The following BCL2 variants were observed in gnomAD, a reference collection of about 807,000 sequenced individuals.
The protein encoded by BCL2 is apoptosis regulator Bcl-2.
A neutral mutation model predicts 14.2 loss-of-function variants in BCL2; 1 was observed. The ratio of observed to expected loss-of-function variants is 0.07; its 90% confidence interval spans 0.02 to 0.33. BCL2 has a LOEUF of 0.33. Ranked by LOEUF, BCL2 falls within the 10% of genes least tolerant of loss-of-function variation. BCL2 has a pLI of 0.99. For missense variants in BCL2, 247 were observed against 305.9 expected, an observed-to-expected ratio of 0.81 and a Z score of 1.44; for synonymous variants, 151 against 137.2, an observed-to-expected ratio of 1.10 and a Z score of -0.70.
chr18:63,211,444 T>C (rs2144674186), intron 2 of BCL2, among the ~76,000 whole-genome samples: 1 of 152,288 alleles, frequency 6.6e-6, no homozygotes, highest in Non-Finnish European at 1.5e-5. Flanking sequence ...AATCTCCTCC[T>C]GGTTTTCTAA....
chr18:63,189,136 T>C (rs1915660372), intron 2 of BCL2, among the ~76,000 whole-genome samples: 1 of 148,166 alleles, frequency 6.7e-6, no homozygotes. Context: ...AAAATTAAGG[T>C]CAAAGCGCTC....
At chr18:63,271,762 G>A (rs914837886) in intron 2 of BCL2, among the ~76,000 whole-genome samples, 1 of 152,190 alleles carries the variant, frequency 6.6e-6, no homozygotes, top group African/African-American at 2.4e-5. Context: ...TCAACAAAAG[G>A]TTTTGGACAT....
In BCL2 at chr18:63,199,205, GACAC is replaced by G. The variant is rs773397221; in HGVS notation, c.586-70450_586-70447del. 5.3e-4 allele frequency among the ~76,000 whole-genome samples: 75 copies of G among 141,342 alleles called. 2 individuals carry two copies. The East Asian group carries it at 0.011, about 20-fold the overall frequency. 92.7% of individuals were successfully genotyped at this position (141,342 alleles called of 152,430 possible). A position where few individuals can be genotyped will look rare whatever the true frequency, so the allele number is the denominator to read the frequency against. The stretch of plus-strand genomic sequence containing the variant: ...CATACACAGACACGCACAACACACA[GACAC>G]ACACAACACACACACTACACAACAC... On this transcript the variant is annotated intron_variant, in intron 2 of 2. Transcript: ENST00000333681.
At chr18:63,180,094 C>T (rs149862348) in intron 2 of BCL2, among the ~76,000 whole-genome samples, 93 of 152,344 alleles carry the variant, frequency 6.1e-4, no homozygotes, top group African/African-American at 2.2e-3. Context: ...TTAGGAAACC[C>T]TTACCTTTCG....
chr18:63,148,798 C>T (rs1185856202), intron 2 of BCL2, among the ~76,000 whole-genome samples: 1 of 152,128 alleles, frequency 6.6e-6, no homozygotes, highest in East Asian at 1.9e-4. Flanking sequence ...TGAGAAAGTG[C>T]TTCCATATAG....
intron 2 of BCL2, among the ~76,000 whole-genome samples, chr18:63,143,275 A>T (rs1027770807): frequency 2.1e-4 from 32 of 152,360 alleles, no homozygotes; most frequent in Middle Eastern, 6.8e-3. Flanking sequence ...GCAATCATGG[A>T]TGAGTTTTAA....
intron 2 of BCL2, among the ~76,000 whole-genome samples, chr18:63,208,607 T>G (rs1909911260): frequency 1.4e-5 from 2 of 147,884 alleles, no homozygotes; most frequent in African/African-American, 5.0e-5. Context: ...CTGGGGGGAG[T>G]GGGGTACAGT....
At chr18:63,249,119 C>T (rs1911232148) in intron 2 of BCL2, among the ~76,000 whole-genome samples, 1 of 152,182 alleles carries the variant, frequency 6.6e-6, no homozygotes, top group Non-Finnish European at 1.5e-5. Flanking sequence ...GTTAGCATTT[C>T]CCAAATGCTT....
intron 2 of BCL2, among the ~76,000 whole-genome samples, chr18:63,135,364 C>A (rs1016711439): frequency 5.3e-5 from 8 of 152,336 alleles, no homozygotes; most frequent in Admixed American, 2.6e-4. Flanking sequence ...AGTTACCCAA[C>A]CTTGCAGGCA....
chr18:63,154,605 C>T (rs776143278), intron 2 of BCL2, among the ~76,000 whole-genome samples: 93 of 152,168 alleles, frequency 6.1e-4, no homozygotes, highest in Admixed American at 1.4e-3. Context: ...GGCTGGGATG[C>T]CACTCTGCCT....
intron 2 of BCL2, among the ~76,000 whole-genome samples, chr18:63,258,946 G>T (rs934726481): frequency 1.3e-5 from 2 of 152,238 alleles, no homozygotes; most frequent in Non-Finnish European, 2.9e-5. Context: ...GCAAAACAAT[G>T]CCTGACAAAG....
At chr18:63,247,294 G>T (rs963002919) in intron 2 of BCL2, among the ~76,000 whole-genome samples, 1 of 148,962 alleles carries the variant, frequency 6.7e-6, no homozygotes, top group Non-Finnish European at 1.5e-5. Context: ...CCCCTCCCAA[G>T]TTCAAGCAAT....
rs1446199866 is a variant in BCL2, at chr18:63,318,201, C to A, written c.466G>T (p.Val156Phe). ...CGGTTGACGCTCTCCACACACATGA[C>A]CCCACCGAACTCAAAGAAGGCCACA... ...RIVAFFEFGG[V>F]MCVESVNREM... The change falls in exon 2 of 3, where the codon GTC becomes TTC. Residue 156 changes from valine (V) to phenylalanine (F), a missense_variant. By Grantham distance (50) the Val-to-Phe change is conservative (BLOSUM62 -1). Transcript: ENST00000333681. This position sits in a 1 kb window ranked among gnomAD's most constrained non-coding sequence, Gnocchi z 7.4. The A allele has an allele frequency of 1.1e-5, 18 of 1,614,096 alleles. 1 individual carries two copies. Among genetic ancestry groups the A allele is most frequent in the Middle Eastern group, 3.3e-4 (2 of 6,084 alleles).
intron 2 of BCL2, among the ~76,000 whole-genome samples, chr18:63,234,012 G>A (rs1184587141): frequency 1.3e-5 from 2 of 152,038 alleles, no homozygotes; most frequent in African/African-American, 4.8e-5. Context: ...AATTTTTAAA[G>A]TTACTGTTTA....
At chr18:63,297,950 T>C (rs1248621310) in intron 2 of BCL2, among the ~76,000 whole-genome samples, 5 of 152,178 alleles carry the variant, frequency 3.3e-5, no homozygotes, top group Admixed American at 2.0e-4. Flanking sequence ...TCCTGTGAAA[T>C]CATTTGCATT....
In BCL2 at chr18:63,185,482, G is replaced by A. The variant is rs183276036; in HGVS notation, c.586-56723C>T. ...AGAGACAAGAAGAAGAAAATCTGAA[G>A]TGTTTCCTTCAGGGCTAGCTGCTTT... On this transcript the variant is annotated intron_variant, in intron 2 of 2. Coordinates refer to ENST00000333681, the MANE Select transcript of BCL2 (RefSeq NM_000633.3). Among the ~76,000 whole-genome samples, 526 of 152,366 alleles carry A rather than the reference G, an allele frequency of 3.5e-3. 7 individuals carry two copies. Among genetic ancestry groups the A allele is most frequent in the Middle Eastern group, 0.01 (3 of 294 alleles).
rs562085134 is a variant in BCL2, at chr18:63,301,318, T to C, written c.585+16764A>G. On this transcript the variant is annotated intron_variant, in intron 2 of 2. Transcript: ENST00000333681. The stretch of plus-strand genomic sequence containing the variant: ...ATGTCAGTAATGGCTTACATAATAA[T>C]GGTTTATGTAACAAAGTAAATGTGC... Among the ~76,000 whole-genome samples the C allele has an allele frequency of 5.3e-5, 8 of 152,262 alleles. No individual in the cohort carries two copies. The East Asian group carries it at 1.5e-3, about 29-fold the overall frequency.
chr18:63,281,989 C>T (rs946968248), intron 2 of BCL2, among the ~76,000 whole-genome samples: 9 of 152,264 alleles, frequency 5.9e-5, no homozygotes, highest in East Asian at 1.9e-4. Context: ...AACATAAATA[C>T]GCACAAGGAT....
intron 2 of BCL2, among the ~76,000 whole-genome samples, chr18:63,173,699 T>C (rs1382451701): frequency 6.6e-6 from 1 of 152,210 alleles, no homozygotes; most frequent in Admixed American, 6.5e-5. Flanking sequence ...TTAATGTATG[T>C]CCATGCAATA....
Sources: gnomAD v4.1 joint callset for allele counts (sites outside exome capture counted in the v4.1 genomes callset) on GRCh38, gnomAD v4.1.1 for gene constraint, Gnocchi (gnomAD v3.1) non-coding constraint, MANE v1.5 for transcripts, NCBI Gene and HGNC (gene_info 2026-07-23, HGNC 2026-07-21) for gene names.